Variants in DOCK5 observed in about 807,000 individuals in gnomAD.
DOCK5 encodes the protein dedicator of cytokinesis protein 5.
In DOCK5, 142 loss-of-function variants were observed where a neutral mutation model predicts 251.8. The ratio of observed to expected loss-of-function variants is 0.56; its 90% CI spans 0.49 to 0.65. The LOEUF is 0.65. DOCK5 is among the 30% of genes least tolerant of loss of function. DOCK5 has a pLI of 0.00. For synonymous variants in DOCK5, 842 were observed against 835.5 expected, an observed-to-expected ratio of 1.01 and a Z score of -0.13; for missense variants, 2,111 against 2,312.3, an observed-to-expected ratio of 0.91 and a Z score of 1.79.
At chr8:25,301,158 T>G (rs531207745) in intron 9 of DOCK5, among the ~76,000 whole-genome samples, 1 of 152,224 alleles carries the variant, frequency 6.6e-6, no homozygotes, top group Non-Finnish European at 1.5e-5. Flanking sequence ...TAAATACTTA[T>G]GTATAGGAAA....
At chr8:25,374,241 G>C (rs1462951751) in intron 36 of DOCK5, among the ~76,000 whole-genome samples, 1 of 152,116 alleles carries the variant, frequency 6.6e-6, no homozygotes, top group Non-Finnish European at 1.5e-5. Flanking sequence ...TAGTGGGGAG[G>C]GGGGTCAGGC....
intron 1 of DOCK5, among the ~76,000 whole-genome samples, chr8:25,233,958 G>A (rs1329233056): frequency 1.3e-5 from 2 of 152,118 alleles, no homozygotes; most frequent in Non-Finnish European, 2.9e-5. Context: ...TGTGATTCTG[G>A]AGTATATAAA....
rs1248971608 is a variant in DOCK5, at chr8:25,184,706, C to A, written c.-203C>A. 2 of 206,374 alleles carry A rather than the reference C, an allele frequency of 9.7e-6. No individual in the cohort carries two copies. Among genetic ancestry groups the A allele is most frequent in the Non-Finnish European group, 1.8e-5 (2 of 111,152 alleles). The allele number at this position is 206,374 out of a possible 1,614,324, so 12.8% of individuals were successfully genotyped here. ...GGGCGCGCACTGCTGCGCTGCAGCCCGGCCCAGCAGGTGACCGCGGGCGGC... is the reference window on the plus strand; with the variant it reads ...GGGCGCGCACTGCTGCGCTGCAGCCAGGCCCAGCAGGTGACCGCGGGCGGC... On this transcript the variant is annotated 5_prime_UTR_variant, in exon 1 of 52. Transcript: ENST00000276440.
At chr8:25,364,971 T>C (rs1184994894) in intron 30 of DOCK5, among the ~76,000 whole-genome samples, 2 of 152,200 alleles carry the variant, frequency 1.3e-5, no homozygotes, top group African/African-American at 4.8e-5. Flanking sequence ...TAAATAGTCC[T>C]CCTTGTCGCT....
At chr8:25,402,913 G>T (rs556613660) in intron 47 of DOCK5, among the ~76,000 whole-genome samples, 3 of 152,074 alleles carry the variant, frequency 2.0e-5, no homozygotes, top group African/African-American at 7.2e-5. Flanking sequence ...GTGTTCAGTC[G>T]TGCCTTCTTC....
intron 37 of DOCK5, chr8:25,375,040 G>A (rs1800940453): frequency 2.9e-6 from 3 of 1,031,196 alleles, no homozygotes; most frequent in South Asian, 2.1e-5. Flanking sequence ...CTAAATAAAT[G>A]TATGTTGTGG....
At chr8:25,384,317 G>T (rs1330144598) in intron 40 of DOCK5, among the ~76,000 whole-genome samples, 3 of 152,178 alleles carry the variant, frequency 2.0e-5, no homozygotes, top group Non-Finnish European at 2.9e-5. Flanking sequence ...TTTGGTGGCA[G>T]TGAAACTGTT....
rs566261351 is a variant in DOCK5 at position 25,317,386 on chromosome 8, G to A, written c.1443+255G>A. On this transcript the variant is annotated intron_variant, in intron 14 of 51. Coordinates refer to ENST00000276440, the MANE Select transcript of DOCK5 (RefSeq NM_024940.8). ...GCTCCAGCCACTAATGATTTTATGT[G>A]TAAGCTTCCAATGCAGATGTTATTT... 796 of 344,578 alleles carry A rather than the reference G, an allele frequency of 2.3e-3. 4 individuals are homozygous for A. The highest frequency in any genetic ancestry group is 3.4e-3 in the Non-Finnish European group (640 of 188,864). The allele number at this position is 344,578 out of a possible 1,614,324, so 21.3% of individuals were successfully genotyped here.
intron 2 of DOCK5, among the ~76,000 whole-genome samples, chr8:25,255,221 T>G (rs1020165706): frequency 2.0e-5 from 3 of 152,204 alleles, no homozygotes; most frequent in African/African-American, 7.2e-5. Context: ...CCAAAGGAGT[T>G]GAAAACTTAC....
intron 33 of DOCK5, 76 bp from the exon 34 acceptor site, chr8:25,369,480 G>A: frequency 2.2e-6 from 3 of 1,355,322 alleles, no homozygotes; most frequent in Non-Finnish European, 3.1e-6. Flanking sequence ...GAATGGGTTG[G>A]CCAAGTCTAG....
chr8:25,199,186 A>T (rs557669235), intron 1 of DOCK5, among the ~76,000 whole-genome samples: 1 of 152,308 alleles, frequency 6.6e-6, no homozygotes, highest in East Asian at 1.9e-4. Flanking sequence ...GTGTTTTGCA[A>T]AGTAAACGTT....
intron 22 of DOCK5, among the ~76,000 whole-genome samples, chr8:25,337,400 CA>C (rs1366952736): frequency 6.6e-6 from 1 of 150,470 alleles, no homozygotes; most frequent in Admixed American, 6.6e-5. Flanking sequence ...TGAATAAAAA[CA>C]AAAAAGAAGA....
At chr8:25,237,686 G>A (rs1802837266) in intron 1 of DOCK5, among the ~76,000 whole-genome samples, 1 of 152,192 alleles carries the variant, frequency 6.6e-6, no homozygotes, top group African/African-American at 2.4e-5. Flanking sequence ...GCTGTTCATG[G>A]CAGCCAGCGA....
At chr8:25,192,667 G>A (rs1801614338) in intron 1 of DOCK5, among the ~76,000 whole-genome samples, 1 of 152,008 alleles carries the variant, frequency 6.6e-6, no homozygotes, top group South Asian at 2.1e-4. Context: ...TACCATGCCT[G>A]GCTAATTTTT....
chr8:25,294,326 T>C (rs975618236), intron 6 of DOCK5, among the ~76,000 whole-genome samples: 3 of 152,092 alleles, frequency 2.0e-5, no homozygotes, highest in Admixed American at 1.3e-4. Context: ...ATCAAATCAC[T>C]TGATAGAGAT....
At chr8:25,369,356 G>A (rs1353039121) in intron 33 of DOCK5, among the ~76,000 whole-genome samples, 200 bp from the exon 34 acceptor site, 1 of 152,202 alleles carries the variant, frequency 6.6e-6, no homozygotes, top group Non-Finnish European at 1.5e-5. Flanking sequence ...GTAATGCAAA[G>A]GACAAAGTAA....
intron 1 of DOCK5, among the ~76,000 whole-genome samples, chr8:25,199,556 G>A (rs1338661463): frequency 6.6e-6 from 1 of 152,068 alleles, no homozygotes; most frequent in African/African-American, 2.4e-5. Context: ...GCTAATTTTT[G>A]TATTTTAGTA....
In DOCK5 at chr8:25,342,784, G is replaced by T. The variant is rs7838954; in HGVS notation, c.2617+277G>T. On this transcript the variant is annotated intron_variant, in intron 25 of 51. Transcript: ENST00000276440. ...CGCAATCTCGGCTCACTGCAACCTC[G>T]GCCTCCCAGGTTCAAGCAATTCTCC... Among the ~76,000 whole-genome samples the T allele has an allele frequency of 4.4e-3, 583 of 132,354 alleles. 10 individuals carry two copies. The highest frequency in any genetic ancestry group is 0.014 in the African/African-American group (505 of 35,444). 86.8% of individuals were successfully genotyped at this position (132,354 alleles called of 152,430 possible).
At chr8:25,311,077 A>C (rs1219008209) in intron 13 of DOCK5, among the ~76,000 whole-genome samples, 1 of 152,146 alleles carries the variant, frequency 6.6e-6, no homozygotes, top group Non-Finnish European at 1.5e-5. Flanking sequence ...CAAGAATGTC[A>C]GCATTTTCCT....
Sources: gnomAD v4.1 joint callset for allele counts (sites outside exome capture counted in the v4.1 genomes callset) on GRCh38, gnomAD v4.1.1 for gene constraint, MANE v1.5 for transcripts, NCBI Gene and HGNC (gene_info 2026-07-23, HGNC 2026-07-21) for gene names.